Variants in AKAP17A observed in about 807,000 individuals in gnomAD.
AKAP17A encodes A-kinase anchoring protein 17A.
In AKAP17A, 15 loss-of-function variants were observed where a neutral mutation model predicts 52.2. The observed-to-expected ratio is 0.29, with a 90% confidence interval of 0.19 to 0.44. The LOEUF is 0.44. Among genes scored for constraint, AKAP17A ranks in the 20% least tolerant of loss-of-function variants. AKAP17A has a pLI of 1.00. For synonymous variants in AKAP17A, 514 were observed against 424.7 expected, an observed-to-expected ratio of 1.21 and a Z score of -2.58; for missense variants, 1,060 against 1,007.0, an observed-to-expected ratio of 1.05 and a Z score of -0.71.
chrX:1,595,096 G>A lies in AKAP17A; in HGVS notation c.763-288G>A, dbSNP rs749969327. ...GGGAGCTGTGTCTCGCAGCGGTGGC[G>A]TGTCACTTGTGTTCAGTAAGTGGCG... On this transcript the variant is annotated intron_variant, in intron 2 of 4. Coordinates refer to ENST00000313871, the MANE Select transcript of AKAP17A (RefSeq NM_005088.3). Among the ~76,000 whole-genome samples the A allele has an allele frequency of 4.6e-5, 7 of 152,340 alleles. No individual in the cohort carries two copies. The South Asian group carries it at 1.2e-3, about 27-fold the overall frequency.
chrX:1,601,595 T>A lies in AKAP17A; in HGVS notation c.*1T>A. On this transcript the variant is annotated 3_prime_UTR_variant, in exon 5 of 5. Coordinates refer to ENST00000313871, the MANE Select transcript of AKAP17A (RefSeq NM_005088.3). ...GCACCGCAGTACCTGGAACAGGTAA[T>A]GACGGGCACGGCCTCCCCACGGCCT... The A allele has an allele frequency of 7.0e-7, 1 of 1,424,804 alleles. No homozygotes were observed. The highest frequency in any genetic ancestry group is 9.1e-7 in the Non-Finnish European group (1 of 1,096,678). 88.3% of individuals were successfully genotyped at this position (1,424,804 alleles called of 1,614,324 possible).
Position 1,601,887 on chromosome X carries a change from C to T in AKAP17A, c.*293C>T, listed in dbSNP as rs185109808. The T allele has an allele frequency of 3.0e-4, 109 of 360,606 alleles. No individual in the cohort carries two copies. The highest frequency in any genetic ancestry group is 1.6e-3 in the African/African-American group (78 of 47,850). The allele number at this position is 360,606 out of a possible 1,614,324, so 22.3% of individuals were successfully genotyped here. On this transcript the variant is annotated 3_prime_UTR_variant, in exon 5 of 5. Coordinates refer to ENST00000313871, the MANE Select transcript of AKAP17A (RefSeq NM_005088.3). ...TCTCAGTCAGGAAAATTGCACAGACCGACAGTCGTGAGGATGGCAGAGCTG... is the reference window on the plus strand; with the variant it reads ...TCTCAGTCAGGAAAATTGCACAGACTGACAGTCGTGAGGATGGCAGAGCTG...
At chrX:1,593,265 A>G (rs1181887346) in intron 1 of AKAP17A, among the ~76,000 whole-genome samples, 179 bp from the exon 2 acceptor site, 1 of 152,158 alleles carries the variant, frequency 6.6e-6, no homozygotes, top group East Asian at 1.9e-4. Flanking sequence ...AATGATTTCA[A>G]AAAGTAAAGA....
chrX:1,593,377 T>C (rs1324972745), intron 1 of AKAP17A, 67 bp from the exon 2 acceptor site: 6 of 1,500,236 alleles, frequency 4.0e-6, no homozygotes, highest in Non-Finnish European at 5.4e-6. Flanking sequence ...CCTGCTGGCT[T>C]GGCCCCTCCT....
At chrX:1,599,453 C>G (rs1290525864) in intron 4 of AKAP17A, 21 bp downstream of exon 4, 2 of 1,552,872 alleles carry the variant, frequency 1.3e-6, no homozygotes, top group African/African-American at 2.7e-5. Context: ...GCTCCCTCTG[C>G]AGCCGCCAGC....
At position 1,600,423 on chromosome X, in the gene AKAP17A, T is replaced by C; in HGVS notation, c.1153-236T>C. On this transcript the variant is annotated intron_variant, in intron 4 of 4. Transcript: ENST00000313871. ...TGCGCCGAGCCGCTTTGCCAAGGGG[T>C]TTCCTTCTCACTCAGACGCATGATG... The C allele has an allele frequency of 6.4e-6, 4 of 628,668 alleles. No individual in the cohort carries two copies. In the South Asian group the frequency reaches 7.9e-5, roughly 12 times the overall value. 38.9% of individuals were successfully genotyped at this position (628,668 alleles called of 1,614,324 possible). A position where few individuals can be genotyped will look rare whatever the true frequency, so the allele number is the denominator to read the frequency against.
In AKAP17A at chrX:1,600,846, C is replaced by T. The variant is rs374808379; in HGVS notation, c.1340C>T (p.Pro447Leu). 3.1e-4 allele frequency: 497 copies of T among 1,590,942 alleles called. No individual in the cohort carries two copies. Among genetic ancestry groups the T allele is most frequent in the Non-Finnish European group, 4.0e-4 (466 of 1,173,152 alleles). ...CTGAGCATCCTGCTGAGCAAGAAGC[C>T]GGACGACAGCCACACACACGACGAG... ...RLLSILLSKK[P>L]DDSHTHDELG... The change falls in exon 5 of 5, where the codon CCG becomes CTG. Residue 447 changes from proline (P) to leucine (L), a missense_variant. Physicochemically the swap from Pro to Leu is moderately conservative, Grantham distance 98. This residue lies in a region of AKAP17A where 793 missense variants were observed against 629.9 expected (regional missense o/e 1.26). Coordinates refer to ENST00000313871, the MANE Select transcript of AKAP17A (RefSeq NM_005088.3).
At chrX:1,597,342 G>T (rs184837928) in intron 3 of AKAP17A, among the ~76,000 whole-genome samples, 229 of 152,340 alleles carry the variant, frequency 1.5e-3, no homozygotes, top group African/African-American at 5.4e-3. Flanking sequence ...AATGTGCTGG[G>T]GGGGCCCATG....
At position 1,593,436 on chromosome X, in the gene AKAP17A, T is replaced by C. The variant is rs200309388; in HGVS notation, c.-19-8T>C. 44 of 1,598,308 alleles carry C rather than the reference T, an allele frequency of 2.8e-5. No homozygotes were observed. The highest frequency in any genetic ancestry group is 4.0e-5 in the African/African-American group (3 of 74,646). On this transcript the variant is annotated splice_polypyrimidine_tract_variant and splice_region_variant and intron_variant, in intron 1 of 4. Coordinates refer to ENST00000313871, the MANE Select transcript of AKAP17A (RefSeq NM_005088.3). ...GCTGGTGCTGACTGTCTGCGTCTTATGTTTCAGGCCCAAGGTCCCGGAGGC... is the reference window on the plus strand; with the variant it reads ...GCTGGTGCTGACTGTCTGCGTCTTACGTTTCAGGCCCAAGGTCCCGGAGGC...
At position 1,601,380 on chromosome X, in the gene AKAP17A, A is replaced by G. The variant is rs368793891; in HGVS notation, c.1874A>G (p.Lys625Arg). 129 of 1,573,566 alleles carry G rather than the reference A, an allele frequency of 8.2e-5. No individual in the cohort carries two copies. Among genetic ancestry groups the G allele is most frequent in the Non-Finnish European group, 1.0e-4 (121 of 1,165,906 alleles). ...CCACGCAAGGAGCGGCGGCCCCACA[A>G]GAAGCACGCCTACAAGGATGACAGC... The part of the protein sequence containing the change: ...GRPRKERRPH[K>R]KHAYKDDSPR... The change falls in exon 5 of 5, where the codon AAG becomes AGG. Residue 625 changes from lysine (K) to arginine (R), a missense_variant. This residue lies in a region of AKAP17A where 793 missense variants were observed against 629.9 expected (regional missense o/e 1.26). Transcript: ENST00000313871.
intron 4 of AKAP17A, 49 bp downstream of exon 4, chrX:1,599,481 C>T (rs777428347): frequency 6.4e-7 from 1 of 1,551,436 alleles, no homozygotes; most frequent in South Asian, 1.2e-5. Context: ...GGGCTGCCCT[C>T]AGTGCCCTCC....
chrX:1,601,716 A>G lies in AKAP17A; in HGVS notation c.*122A>G, dbSNP rs1933397080. ...AGCCAAGACCCTTCTGCAGCCACGA[A>G]TGTCCACGGAGCCCGCCGGCAGGAA... On this transcript the variant is annotated 3_prime_UTR_variant, in exon 5 of 5. Transcript: ENST00000313871. 2.1e-6 allele frequency: 2 copies of G among 931,318 alleles called. No individual in the cohort carries two copies. The highest frequency in any genetic ancestry group is 2.9e-6 in the Non-Finnish European group (2 of 692,042). 57.7% of individuals were successfully genotyped at this position (931,318 alleles called of 1,614,324 possible).
intron 4 of AKAP17A, chrX:1,600,318 A>T: frequency 1.3e-6 from 1 of 797,240 alleles, no homozygotes; most frequent in Non-Finnish European, 1.9e-6. Flanking sequence ...GCCGCTTGTG[A>T]CCTAACCGCA....
Position 1,595,371 on chromosome X carries a change from T to G in AKAP17A, c.763-13T>G. 2 of 1,613,522 alleles carry G rather than the reference T, an allele frequency of 1.2e-6. No individual in the cohort carries two copies. Among genetic ancestry groups the G allele is most frequent in the East Asian group, 2.2e-5 (1 of 44,876 alleles). On this transcript the variant is annotated splice_polypyrimidine_tract_variant and intron_variant, in intron 2 of 4. Coordinates refer to ENST00000313871, the MANE Select transcript of AKAP17A (RefSeq NM_005088.3). ...TGGGGGAAGGCCATCTGACACTGTT[T>G]TTGCTTTTAAAGGTTTCTTTTGATT...
chrX:1,595,397 C>T lies in AKAP17A; in HGVS notation c.776C>T (p.Ser259Leu), dbSNP rs753166381. 11 of 1,613,746 alleles carry T rather than the reference C, an allele frequency of 6.8e-6. No homozygotes were observed. The highest frequency in any genetic ancestry group is 4.0e-5 in the African/African-American group (3 of 74,908). The change falls in exon 3 of 5, where the codon TCG (serine) becomes TTG (leucine). Residue 259 changes from serine (S) to leucine (L), a missense_variant. Ser to Leu is a moderately radical substitution (Grantham distance 145, BLOSUM62 -2). Transcript: ENST00000313871. ...TTGCTTTTAAAGGTTTCTTTTGATTCGACCAAACACCTGAGTGATGCCTCA... is the reference window on the plus strand; with the variant it reads ...TTGCTTTTAAAGGTTTCTTTTGATTTGACCAAACACCTGAGTGATGCCTCA... ...VACNIKVSFD[S>L]TKHLSDASIK... is the part of the protein sequence containing the mutation.
At chrX:1,600,535 C>G in intron 4 of AKAP17A, 124 bp from the exon 5 acceptor site, 1 of 1,031,652 alleles carries the variant, frequency 9.7e-7, no homozygotes. Context: ...GGGCTGGAGT[C>G]CAGCCAGGCC....
intron 2 of AKAP17A, 44 bp downstream of exon 2, chrX:1,594,268 G>T (rs1240001939): frequency 6.7e-7 from 1 of 1,499,484 alleles, no homozygotes; most frequent in South Asian, 1.4e-5. Flanking sequence ...CCTCCCTCTG[G>T]CGACTTCCTT....
intron 4 of AKAP17A, chrX:1,600,437 A>G: frequency 4.7e-6 from 3 of 636,798 alleles, no homozygotes; most frequent in East Asian, 5.5e-5. Context: ...CTTCTCACTC[A>G]GACGCATGAT....
At chrX:1,598,086 A>G (rs1310129277) in intron 3 of AKAP17A, among the ~76,000 whole-genome samples, 2 of 152,094 alleles carry the variant, frequency 1.3e-5, no homozygotes, top group Non-Finnish European at 2.9e-5. Flanking sequence ...GCTTGATGAG[A>G]GCTGTCCTCT....
Sources: gnomAD v4.1 joint callset for allele counts (sites outside exome capture counted in the v4.1 genomes callset) on GRCh38, gnomAD v4.1.1 for gene constraint, gnomAD v4.1.1 regional missense constraint, MANE v1.5 for transcripts, NCBI Gene and HGNC (gene_info 2026-07-23, HGNC 2026-07-21) for gene names.